SCAMP1: variants seen among roughly 807,000 people sequenced by gnomAD.
SCAMP1 encodes secretory carrier-associated membrane protein 1.
In SCAMP1, 15 loss-of-function variants were observed where a neutral mutation model predicts 41.8. The observed-to-expected ratio is 0.36, with a 90% CI of 0.24 to 0.55. The LOEUF is 0.55. SCAMP1 is among the 20% of genes least tolerant of loss of function. The pLI, the probability that SCAMP1 is intolerant of heterozygous loss-of-function variation, is 0.86. For synonymous variants in SCAMP1, 135 were observed against 136.8 expected (o/e 0.99, Z 0.09); for missense variants, 341 against 412.6 (o/e 0.83, Z 1.50).
chr5:78,441,310 G>T (rs1468156168), intron 6 of SCAMP1, among the ~76,000 whole-genome samples: 1 of 152,170 alleles, frequency 6.6e-6, no homozygotes, highest in African/African-American at 2.4e-5. Context: ...GCAGACCAGA[G>T]CTGTTCCTAT....
At chr5:78,418,671 A>G in intron 4 of SCAMP1, 104 bp from the exon 5 acceptor site, 1 of 737,924 alleles carries the variant, frequency 1.4e-6, no homozygotes, top group Non-Finnish European at 2.1e-6. Flanking sequence ...GTTTTTCTGA[A>G]CTTTTGTTAA....
chr5:78,469,796 T>TG lies in SCAMP1; in HGVS notation c.853-5702dup, dbSNP rs141674065. On this transcript the variant is annotated intron_variant, in intron 8 of 8. Coordinates refer to ENST00000621999, the MANE Select transcript of SCAMP1 (RefSeq NM_004866.6). Reference sequence around the variant, plus strand: ...GTAATTCTAGCACTTTGGGAGGGTTTGGGGGGCCGAGGCAAGAAGATGACT... The same window carrying TG: ...GTAATTCTAGCACTTTGGGAGGGTTTGGGGGGGCCGAGGCAAGAAGATGACT... Among the ~76,000 whole-genome samples the TG allele has an allele frequency of 3.9e-3, 570 of 147,790 alleles. 4 individuals are homozygous for TG. Among genetic ancestry groups the TG allele is most frequent in the African/African-American group, 0.013 (528 of 40,396 alleles).
chr5:78,467,925 G>A (rs1753785988), intron 8 of SCAMP1, among the ~76,000 whole-genome samples: 1 of 152,164 alleles, frequency 6.6e-6, no homozygotes, highest in Admixed American at 6.6e-5. Context: ...GTATGTAGCA[G>A]TATTTATAAC....
intron 2 of SCAMP1, among the ~76,000 whole-genome samples, chr5:78,415,256 A>G (rs1012246990): frequency 1.3e-5 from 2 of 152,078 alleles, no homozygotes; most frequent in African/African-American, 2.4e-5. Context: ...CCTGGCCTCT[A>G]TTAACATACG....
At chr5:78,374,273 C>A (rs1053589288) in intron 1 of SCAMP1, among the ~76,000 whole-genome samples, 10 of 152,056 alleles carry the variant, frequency 6.6e-5, no homozygotes, top group African/African-American at 2.2e-4. Context: ...AGCCTCAGTT[C>A]CCCTAAATGC....
chr5:78,414,618 C>CT (rs1752164124), intron 2 of SCAMP1, among the ~76,000 whole-genome samples: 1 of 152,094 alleles, frequency 6.6e-6, no homozygotes, highest in Non-Finnish European at 1.5e-5. Context: ...AAAAGACATT[C>CT]TTCTATCGCT....
At chr5:78,408,876 A>G (rs1247856784) in intron 2 of SCAMP1, among the ~76,000 whole-genome samples, 1 of 152,146 alleles carries the variant, frequency 6.6e-6, no homozygotes, top group Non-Finnish European at 1.5e-5. Context: ...CTGAGATTAC[A>G]GGTGTGAGCC....
chr5:78,443,812 C>T (rs1272363927), intron 6 of SCAMP1, among the ~76,000 whole-genome samples: 1 of 151,890 alleles, frequency 6.6e-6, no homozygotes, highest in African/African-American at 2.4e-5. Context: ...GCATGTGCCA[C>T]TACACCTAAT....
At chr5:78,474,536 A>AT (rs1433087088) in intron 8 of SCAMP1, among the ~76,000 whole-genome samples, 1 of 152,132 alleles carries the variant, frequency 6.6e-6, no homozygotes, top group South Asian at 2.1e-4. Flanking sequence ...TGCTTTGAGA[A>AT]TCTTTGACTC....
At chr5:78,404,364 C>T (rs1308458216) in intron 2 of SCAMP1, among the ~76,000 whole-genome samples, 1 of 151,034 alleles carries the variant, frequency 6.6e-6, no homozygotes, top group African/African-American at 2.4e-5. Flanking sequence ...CCAGCCTGGT[C>T]TCAAACGCCT....
Position 78,360,665 on chromosome 5 carries a change from C to CAG in SCAMP1, c.-1_1dup, listed in dbSNP as rs749516126. ...GGGTCGGGTGGGTGACGCCGAGAGC[C>CAG]AGAGAGATGTCGGATTTCGACAGTA... On this transcript the variant is annotated 5_prime_UTR_variant, in exon 1 of 9. Coordinates refer to ENST00000621999, the MANE Select transcript of SCAMP1 (RefSeq NM_004866.6). 68 of 1,608,514 alleles carry CAG rather than the reference C, an allele frequency of 4.2e-5. No homozygotes were observed. The highest frequency in any genetic ancestry group is 5.3e-5 in the Non-Finnish European group (62 of 1,177,836).
intron 8 of SCAMP1, 25 bp downstream of exon 8, chr5:78,459,387 T>G (rs1399784327): frequency 1.8e-6 from 2 of 1,134,516 alleles, no homozygotes; most frequent in African/African-American, 1.5e-5. Context: ...ATGTCTAAAT[T>G]TTTATAGTGA....
intron 6 of SCAMP1, among the ~76,000 whole-genome samples, chr5:78,441,072 GGTGGAA>G (rs1182471406): frequency 6.6e-6 from 1 of 152,188 alleles, no homozygotes; most frequent in African/African-American, 2.4e-5. Context: ...ACAGTGTTAG[GGTGGAA>G]GTGTCCCGAT....
At chr5:78,378,365 A>G (rs1226443355) in intron 1 of SCAMP1, among the ~76,000 whole-genome samples, 1 of 152,222 alleles carries the variant, frequency 6.6e-6, no homozygotes, top group Non-Finnish European at 1.5e-5. Flanking sequence ...CAATCTCCTT[A>G]TTTCCAGCAG....
intron 1 of SCAMP1, among the ~76,000 whole-genome samples, chr5:78,378,933 G>A (rs1234438764): frequency 2.6e-5 from 4 of 152,150 alleles, no homozygotes; most frequent in Non-Finnish European, 4.4e-5. Context: ...TCAGAGTGAC[G>A]CTCAGCAATC....
At chr5:78,434,023 C>G (rs1451207509) in intron 6 of SCAMP1, among the ~76,000 whole-genome samples, 1 of 152,138 alleles carries the variant, frequency 6.6e-6, no homozygotes, top group African/African-American at 2.4e-5. Context: ...TTTTACCTCC[C>G]ACATAAAGCT....
chr5:78,445,701 G>A (rs1753036646), intron 6 of SCAMP1, among the ~76,000 whole-genome samples: 1 of 151,804 alleles, frequency 6.6e-6, no homozygotes, highest in Non-Finnish European at 1.5e-5. Context: ...GGTGTCTTCT[G>A]GCTATTCCAG....
At chr5:78,455,186 A>C (rs1054250951) in intron 7 of SCAMP1, among the ~76,000 whole-genome samples, 1 of 149,930 alleles carries the variant, frequency 6.7e-6, no homozygotes, top group Non-Finnish European at 1.5e-5. Flanking sequence ...TATTTCCTTC[A>C]GTTCTGCTCT....
intron 8 of SCAMP1, among the ~76,000 whole-genome samples, chr5:78,469,890 T>TAAAAAAAAAAAAAAAAA (rs141989832): frequency 2.0e-4 from 3 of 15,026 alleles, no homozygotes; most frequent in Admixed American, 1.1e-3. Context: ...TACAAGACAT[T>TAAAAAAAAAAAAAAAAA]AAAAAAAAAA....
Sources: gnomAD v4.1 joint callset for allele counts (sites outside exome capture counted in the v4.1 genomes callset) on GRCh38, gnomAD v4.1.1 for gene constraint, MANE v1.5 for transcripts, NCBI Gene and HGNC (gene_info 2026-07-23, HGNC 2026-07-21) for gene names.